ABITRAM: variants seen among roughly 807,000 people sequenced by gnomAD.
ABITRAM encodes the protein actin binding transcription modulator.
ABITRAM carries 19 observed loss-of-function variants against 22.9 expected under a neutral mutation model. The ratio of observed to expected loss-of-function variants is 0.83; its 90% confidence interval spans 0.58 to 1.22. The LOEUF is 1.22. ABITRAM is among the 50% of genes most tolerant of loss of function. The pLI is 0.00. For missense variants in ABITRAM, 215 were observed against 220.2 expected (o/e 0.98, Z 0.15); for synonymous variants, 70 against 73.9 (o/e 0.95, Z 0.27).
rs919796270 is a variant in ABITRAM, at chr9:108,940,299, C to G, written c.*613C>G. On this transcript the variant is annotated 3_prime_UTR_variant, in exon 6 of 6. Coordinates refer to ENST00000322940, the MANE Select transcript of ABITRAM (RefSeq NM_017832.4). Reference sequence around the variant, plus strand: ...ATCCCCTATGTAAACCAAGGGATAACTACTACATTTTAACCTACTTCTGTT... The same window carrying G: ...ATCCCCTATGTAAACCAAGGGATAAGTACTACATTTTAACCTACTTCTGTT... 6.6e-6 allele frequency: 1 copy of G among 152,182 alleles called. No homozygotes were observed. Among genetic ancestry groups the G allele is most frequent in the Non-Finnish European group, 1.5e-5 (1 of 68,020 alleles). 9.4% of individuals were successfully genotyped at this position (152,182 alleles called of 1,614,324 possible).
At chr9:108,948,135 C>T (rs748553558) in intron 3 of ABITRAM, 1 of 1,586,100 alleles carries the variant, frequency 6.3e-7, no homozygotes, top group African/African-American at 1.3e-5. Context: ...ATTTATTACC[C>T]ACTTTTAGCC....
intron 3 of ABITRAM, among the ~76,000 whole-genome samples, chr9:108,947,270 C>T (rs929705990): frequency 1.7e-4 from 26 of 152,096 alleles, no homozygotes; most frequent in Admixed American, 1.2e-3. Context: ...CCCGCCACCA[C>T]ACCCAGCGAA....
chr9:108,948,069 AC>A, intron 3 of ABITRAM: 1 of 1,162,116 alleles, frequency 8.6e-7, no homozygotes, highest in Admixed American at 2.6e-5. Context: ...TCTGTAATAC[AC>A]AGGTAGGTAC....
At chr9:108,944,484 T>A (rs1830341872), downstream of ABITRAM, among the ~76,000 whole-genome samples, 1 of 152,202 alleles carries the variant, frequency 6.6e-6, no homozygotes, top group South Asian at 2.1e-4. Flanking sequence ...AGAGAACCAA[T>A]CCAGGTGGTT....
rs1046742954 is a variant in ABITRAM, at chr9:108,939,562, G to T, written c.422G>T (p.Gly141Val). 1 of 1,613,812 alleles carries T rather than the reference G, an allele frequency of 6.2e-7. No individual in the cohort carries two copies. The highest frequency in any genetic ancestry group is 1.7e-5 in the Admixed American group (1 of 59,972). ...SILQEKPSTEGYIAVVLPKFE... is the reference protein window; with the variant it reads ...SILQEKPSTEVYIAVVLPKFE... ...TTTCCTTTCCAGCCATCTACTGAAGGCTACATTGCAGTTGTGTTACCCAAA... is the reference window on the plus strand; with the variant it reads ...TTTCCTTTCCAGCCATCTACTGAAGTCTACATTGCAGTTGTGTTACCCAAA... Residue 141 changes from glycine to valine, a missense_variant, in exon 6 of 6, where the codon GGC becomes GTC. Transcript: ENST00000322940.
exon 4 of ABITRAM, chr9:108,950,687 C>A: frequency 6.9e-7 from 1 of 1,452,420 alleles, no homozygotes. Context: ...GAGGTGGATG[C>A]TCATCTTTTC....
Position 108,950,622 on chromosome 9 carries a change from G to A in ABITRAM, c.*29G>A, listed in dbSNP as rs968476214. The A allele has an allele frequency of 7.1e-6, 11 of 1,548,346 alleles. No individual in the cohort carries two copies. In the African/African-American group the frequency reaches 1.4e-4, roughly 19 times the overall value. ...TCCTTCTATAGGAAGGAATCTTCACGAGCACAGGATCCCTCACTTCTGTCT... is the reference window on the plus strand; with the variant it reads ...TCCTTCTATAGGAAGGAATCTTCACAAGCACAGGATCCCTCACTTCTGTCT... On this transcript the variant is annotated 3_prime_UTR_variant, in exon 4 of 4. Transcript: ENST00000374624.
In ABITRAM at chr9:108,939,701, C is replaced by G; in HGVS notation, c.*15C>G. 6.2e-7 allele frequency: 1 copy of G among 1,610,280 alleles called. No individual in the cohort carries two copies. Among genetic ancestry groups the G allele is most frequent in the Non-Finnish European group, 8.5e-7 (1 of 1,178,602 alleles). On this transcript the variant is annotated 3_prime_UTR_variant, in exon 6 of 6. Transcript: ENST00000322940. ...CTACGTCATGAGGATTGACATGGAA[C>G]AAAAAGCAAAGTGGGATTCTTGTTA...
chr9:108,935,688 C>A lies in ABITRAM; in HGVS notation c.130C>A (p.Arg44=). The change falls in exon 2 of 6, where the codon CGA becomes AGA. Residue 44 remains arginine, a splice_region_variant and synonymous_variant. Coordinates refer to ENST00000322940, the MANE Select transcript of ABITRAM (RefSeq NM_017832.4). The part of the protein sequence containing the change: ...EDHCILQHSN[R]ICVITLAESH... The stretch of plus-strand genomic sequence containing the variant: ...CCACTGTATACTACAGCACTCTAAC[C>A]GGTAAGCAAATTGGGAATTTTAAAT... 1.2e-6 allele frequency: 2 copies of A among 1,611,938 alleles called. No individual in the cohort carries two copies. The highest frequency in any genetic ancestry group is 1.6e-4 in the Middle Eastern group (1 of 6,062).
At chr9:108,943,165 G>T (rs1203609971), downstream of ABITRAM, 7 of 934,996 alleles carry the variant, frequency 7.5e-6, no homozygotes, top group Non-Finnish European at 1.1e-5. Context: ...TCTTGAAAGA[G>T]ATATGGATTT....
chr9:108,938,690 A>AG (rs67863314), intron 3 of ABITRAM, among the ~76,000 whole-genome samples: 2,900 of 111,284 alleles, frequency 0.026, 130 homozygotes, highest in African/African-American at 0.068. Flanking sequence ...GGAATTACAA[A>AG]GGGGGGGGGG....
At chr9:108,949,950 G>A (rs1252265935) in intron 3 of ABITRAM, among the ~76,000 whole-genome samples, 3 of 151,508 alleles carry the variant, frequency 2.0e-5, no homozygotes, top group African/African-American at 7.3e-5. Context: ...CTTGAACTCA[G>A]GAGGCGGAGG....
Position 108,940,493 on chromosome 9 carries a change from C to T in ABITRAM, c.*807C>T, listed in dbSNP as rs556978313. The T allele has an allele frequency of 3.2e-4, 49 of 152,128 alleles. No individual in the cohort carries two copies. Among genetic ancestry groups the T allele is most frequent in the Admixed American group, 8.5e-4 (13 of 15,270 alleles). 9.4% of individuals were successfully genotyped at this position (152,128 alleles called of 1,614,324 possible). ...CCCTTTTAGGTTGTAGGGAAGAGGC[C>T]GGAGTGTAGAGTATATTATATCTTC... On this transcript the variant is annotated 3_prime_UTR_variant, in exon 6 of 6. Coordinates refer to ENST00000322940, the MANE Select transcript of ABITRAM (RefSeq NM_017832.4).
At chr9:108,936,908 A>ATTTTGGG (rs1830196057) in intron 3 of ABITRAM, among the ~76,000 whole-genome samples, 1 of 152,200 alleles carries the variant, frequency 6.6e-6, no homozygotes, top group Admixed American at 6.5e-5. Context: ...CACGCCTATA[A>ATTTTGGG]TCTCAGCATT....
At chr9:108,936,575 C>T in intron 3 of ABITRAM, 138 bp downstream of exon 3, 1 of 917,390 alleles carries the variant, frequency 1.1e-6, no homozygotes. Context: ...TTTAGGTATA[C>T]TTTCACCTAA....
chr9:108,946,469 C>T lies in ABITRAM; in HGVS notation c.262-4038C>T, dbSNP rs367974106. ...ACTTGTTTTGGCTATCTAAAATCCT[C>T]TACCCACATTTATCCATCCAACTCT... is the stretch of plus-strand genomic sequence containing the variant. On this transcript the variant is annotated intron_variant, in intron 3 of 3. Transcript: ENST00000374624. Among the ~76,000 whole-genome samples, 49 of 152,282 alleles carry T rather than the reference C, an allele frequency of 3.2e-4. No individual in the cohort carries two copies. The South Asian group carries it at 7.7e-3, about 24-fold the overall frequency.
At position 108,934,433 on chromosome 9, in the gene ABITRAM, G is replaced by A; in HGVS notation, c.-54G>A. The stretch of plus-strand genomic sequence containing the variant: ...GAAGAGCACGCCCAGTCCGGGCTGC[G>A]CGGAGGAAGCGCTGGGGTCCCGGAG... On this transcript the variant is annotated 5_prime_UTR_variant, in exon 1 of 6. Coordinates refer to ENST00000322940, the MANE Select transcript of ABITRAM (RefSeq NM_017832.4). 1 of 1,503,730 alleles carries A rather than the reference G, an allele frequency of 6.7e-7. No individual in the cohort carries two copies. Among genetic ancestry groups the A allele is most frequent in the South Asian group, 1.2e-5 (1 of 82,170 alleles). The allele number at this position is 1,503,730 out of a possible 1,614,324, so 93.1% of individuals were successfully genotyped here.
At chr9:108,938,624 A>G (rs551642404) in intron 3 of ABITRAM, among the ~76,000 whole-genome samples, 1 of 138,460 alleles carries the variant, frequency 7.2e-6, no homozygotes, top group Non-Finnish European at 1.5e-5. Context: ...CTCAAAGTGC[A>G]TGTTTTTGTT....
intron 1 of ABITRAM, 38 bp from the exon 2 acceptor site, chr9:108,935,600 T>C (rs1242250029): frequency 7.1e-6 from 11 of 1,557,184 alleles, no homozygotes; most frequent in African/African-American, 2.7e-5. Flanking sequence ...GTAGTAAATA[T>C]TGATTTCAGC....
Sources: gnomAD v4.1 joint callset for allele counts (sites outside exome capture counted in the v4.1 genomes callset) on GRCh38, gnomAD v4.1.1 for gene constraint, MANE v1.5 for transcripts, NCBI Gene and HGNC (gene_info 2026-07-23, HGNC 2026-07-21) for gene names.